Variants in MALRD1 observed in about 807,000 individuals in gnomAD.
MALRD1 encodes MAM and LDL-receptor class A domain-containing protein 1.
In MALRD1, 247 loss-of-function variants were observed where a neutral mutation model predicts 242.1. The ratio of observed to expected loss-of-function variants is 1.02; its 90% CI spans 0.92 to 1.13. The LOEUF (loss-of-function observed/expected upper bound fraction) is 1.13, where lower values mean the gene tolerates loss of function less well. MALRD1 is among the 50% of genes most tolerant of loss of function. MALRD1 has a pLI of 0.00. For missense variants in MALRD1, 2,989 were observed against 2,533.1 expected (o/e 1.18, Z -3.86); for synonymous variants, 995 against 866.6 (o/e 1.15, Z -2.60).
At chr10:19,667,058 T>C (rs751351262) in intron 36 of MALRD1, among the ~76,000 whole-genome samples, 1 of 152,148 alleles carries the variant, frequency 6.6e-6, no homozygotes, top group Non-Finnish European at 1.5e-5. Flanking sequence ...TGCTACCCTG[T>C]AAGGATTCTT....
At chr10:19,235,613 A>AGAGAGAGAGAGAGAGG (rs769851042) in intron 18 of MALRD1, among the ~76,000 whole-genome samples, 1 of 143,740 alleles carries the variant, frequency 7.0e-6, no homozygotes, top group East Asian at 2.0e-4. Context: ...AGAGAGAGAG[A>AGAGAGAGAGAGAGAGG]GCGCCTAGGT....
intron 34 of MALRD1, among the ~76,000 whole-genome samples, chr10:19,602,608 G>A (rs941549177): frequency 6.6e-6 from 1 of 151,956 alleles, no homozygotes; most frequent in Non-Finnish European, 1.5e-5. Context: ...TTGGACATTT[G>A]GGTTGGTTCC....
Position 19,478,225 on chromosome 10 carries a change from A to G in MALRD1, c.5030-13292A>G, listed in dbSNP as rs186441268. On this transcript the variant is annotated intron_variant, in intron 29 of 39. Coordinates refer to ENST00000454679, the MANE Select transcript of MALRD1 (RefSeq NM_001142308.3). ...TTTGAACAGATAAGCGAATGCTTCA[A>G]TGCAAATCCTAAGCAAAAGCTATCT... 1.3e-3 allele frequency among the ~76,000 whole-genome samples: 201 copies of G among 152,346 alleles called. 1 individual carries two copies. Among genetic ancestry groups the G allele is most frequent in the African/African-American group, 4.7e-3 (195 of 41,580 alleles).
At position 19,048,877 on chromosome 10, in the gene MALRD1, A is replaced by T; in HGVS notation, c.-62A>T. 2 of 1,157,256 alleles carry T rather than the reference A, an allele frequency of 1.7e-6. No individual in the cohort carries two copies. Among genetic ancestry groups the T allele is most frequent in the Non-Finnish European group, 2.2e-6 (2 of 918,550 alleles). The allele number at this position is 1,157,256 out of a possible 1,614,324, so 71.7% of individuals were successfully genotyped here. A position where few individuals can be genotyped will look rare whatever the true frequency, so the allele number is the denominator to read the frequency against. On this transcript the variant is annotated 5_prime_UTR_variant, in exon 1 of 40. It removes an upstream start codon present in the reference 5' UTR. Transcript: ENST00000454679. Reference sequence around the variant, plus strand: ...AAAGGAAGAATAGAGAAATAAAAGAATGTTTCCAATGATGGACTTACTTAT... The same window carrying T: ...AAAGGAAGAATAGAGAAATAAAAGATTGTTTCCAATGATGGACTTACTTAT...
At chr10:19,325,254 T>C (rs1360528038) in intron 22 of MALRD1, among the ~76,000 whole-genome samples, 1 of 152,054 alleles carries the variant, frequency 6.6e-6, no homozygotes, top group Non-Finnish European at 1.5e-5. Context: ...TGTCTCAGAT[T>C]TGGAAATAAG....
At chr10:19,479,962 A>G (rs1589137948) in intron 29 of MALRD1, among the ~76,000 whole-genome samples, 1 of 152,248 alleles carries the variant, frequency 6.6e-6, no homozygotes, top group East Asian at 1.9e-4. Context: ...CAGCCTCATG[A>G]TCTTACCTAG....
chr10:19,722,619 A>AAAAAG (rs57292963), intron 38 of MALRD1: 1 of 144,482 alleles, frequency 6.9e-6, no homozygotes, highest in Non-Finnish European at 1.5e-5. Context: ...AAAAAAAAAA[A>AAAAAG]GGTGGAAAAA....
intron 36 of MALRD1, among the ~76,000 whole-genome samples, chr10:19,681,053 C>T (rs750275660): frequency 1.1e-4 from 16 of 152,122 alleles, no homozygotes; most frequent in Non-Finnish European, 2.1e-4. Flanking sequence ...ATGACCTGGC[C>T]TTTCTCTCTG....
chr10:19,542,381 C>A (rs929108327), intron 32 of MALRD1, among the ~76,000 whole-genome samples: 1 of 151,858 alleles, frequency 6.6e-6, no homozygotes, highest in Admixed American at 6.6e-5. Flanking sequence ...AAGCCATTTT[C>A]TGTCATAAAA....
chr10:19,560,031 CTG>C (rs1835894353), intron 32 of MALRD1, among the ~76,000 whole-genome samples: 1 of 152,210 alleles, frequency 6.6e-6, no homozygotes, highest in African/African-American at 2.4e-5. Context: ...TGCTTTCACA[CTG>C]TTGTTAGGAG....
At chr10:19,115,647 A>C (rs1397178931) in intron 5 of MALRD1, among the ~76,000 whole-genome samples, 1 of 133,654 alleles carries the variant, frequency 7.5e-6, no homozygotes, top group Non-Finnish European at 1.7e-5. Flanking sequence ...TCTTTACTAT[A>C]AAAATATATC....
Position 19,124,531 on chromosome 10 carries a change from G to T in MALRD1, c.804G>T (p.Gln268His). The T allele has an allele frequency of 8.1e-7, 1 of 1,233,812 alleles. No individual in the cohort carries two copies. The allele number at this position is 1,233,812 out of a possible 1,614,324, so 76.4% of individuals were successfully genotyped here. A position where few individuals can be genotyped will look rare whatever the true frequency, so the allele number is the denominator to read the frequency against. The change falls in exon 7 of 40, where the codon CAG becomes CAT. Residue 268 changes from glutamine (Q) to histidine (H), a missense_variant. Coordinates refer to ENST00000454679, the MANE Select transcript of MALRD1 (RefSeq NM_001142308.3). ...TCTTTTTCTCCCGTTTAGTGTGTCA[G>T]GCCTGTGGGTTTGAATTTGACATGT... ...DATDEELRLCQACGFEFDMCE... is the reference protein window; with the variant it reads ...DATDEELRLCHACGFEFDMCE...
intron 29 of MALRD1, among the ~76,000 whole-genome samples, chr10:19,469,439 T>C (rs760508159): frequency 1.3e-5 from 2 of 152,148 alleles, no homozygotes; most frequent in Non-Finnish European, 2.9e-5. Context: ...TTTATGTAGA[T>C]AGTCACACAA....
rs114410617 is a variant in MALRD1, at chr10:19,124,355, G to A, written c.797-169G>A. 6.0e-3 allele frequency among the ~76,000 whole-genome samples: 907 copies of A among 152,296 alleles called. 9 individuals carry two copies. The highest frequency in any genetic ancestry group is 0.021 in the African/African-American group (858 of 41,566). On this transcript the variant is annotated intron_variant, in intron 6 of 39. Transcript: ENST00000454679. ...AACTGAGAAATTTTTGCAAAATGGAGTTGCTGGTACACTCGAAGGCTTATT... is the reference window on the plus strand; with the variant it reads ...AACTGAGAAATTTTTGCAAAATGGAATTGCTGGTACACTCGAAGGCTTATT...
At chr10:19,200,904 A>T (rs566718282) in intron 14 of MALRD1, among the ~76,000 whole-genome samples, 1 of 152,210 alleles carries the variant, frequency 6.6e-6, no homozygotes, top group African/African-American at 2.4e-5. Flanking sequence ...ACAGACAGGC[A>T]TAATTTTTAT....
At chr10:19,283,215 G>A in intron 21 of MALRD1, 34 bp downstream of exon 21, 2 of 1,404,218 alleles carry the variant, frequency 1.4e-6, no homozygotes, top group Non-Finnish European at 1.9e-6. Flanking sequence ...ATCTCTCTTG[G>A]GAAATATTTA....
rs1034544107 is a variant in MALRD1 at position 19,203,831 on chromosome 10, T to G, written c.2055T>G (p.Asp685Glu). 1 of 1,550,418 alleles carries G rather than the reference T, an allele frequency of 6.4e-7. No homozygotes were observed. The highest frequency in any genetic ancestry group is 8.7e-7 in the Non-Finnish European group (1 of 1,146,932). The stretch of plus-strand genomic sequence containing the variant: ...GCTCTCAGAGTGAACTTTCTGCTGA[T>G]TTTGAGCACCAGGCTCCACCTCGGG... ...IRSSQSELSA[D>E]FEHQAPPRDH... is the part of the protein sequence containing the mutation. Residue 685 changes from aspartate to glutamate, a missense_variant, in exon 15 of 40, where the codon GAT becomes GAG. Transcript: ENST00000454679.
At chr10:19,236,050 A>G (rs1338108903) in intron 18 of MALRD1, among the ~76,000 whole-genome samples, 1 of 152,206 alleles carries the variant, frequency 6.6e-6, no homozygotes, top group Non-Finnish European at 1.5e-5. Flanking sequence ...TGATTTAGTT[A>G]TGAAGCCCAA....
intron 26 of MALRD1, among the ~76,000 whole-genome samples, chr10:19,366,878 A>G (rs909264338): frequency 1.3e-5 from 2 of 152,158 alleles, no homozygotes; most frequent in Non-Finnish European, 2.9e-5. Flanking sequence ...TGAAATTTGT[A>G]GTTGCCCCAC....
Sources: allele counts gnomAD v4.1 joint callset (sites outside exome capture counted in the v4.1 genomes callset), GRCh38; gene constraint gnomAD v4.1.1; transcripts MANE v1.5; gene names NCBI Gene and HGNC (gene_info 2026-07-23, HGNC 2026-07-21).